Variants in RARB observed in about 807,000 individuals in gnomAD.
The protein encoded by RARB is HBV-activated protein.
A neutral mutation model predicts 51.9 loss-of-function variants in RARB; 17 were observed. The observed-to-expected ratio is 0.33, with a 90% CI of 0.22 to 0.49. The LOEUF is 0.49. Ranked by LOEUF, RARB falls within the 20% of genes least tolerant of loss-of-function variation. The pLI is 0.99. For synonymous variants in RARB, 215 were observed against 195.4 expected (o/e 1.10, Z -0.84); for missense variants, 369 against 550.8 (o/e 0.67, Z 3.30).
intron 1 of RARB, among the ~76,000 whole-genome samples, chr3:25,446,358 A>C (rs947537636): frequency 3.9e-5 from 6 of 152,228 alleles, no homozygotes; most frequent in Non-Finnish European, 1.5e-5. Flanking sequence ...CTTTCTTGGA[A>C]TGTGTCACAC....
At chr3:24,969,597 G>T (rs889733821) in intron 2 of RARB, among the ~76,000 whole-genome samples, 2 of 152,026 alleles carry the variant, frequency 1.3e-5, no homozygotes, top group Non-Finnish European at 2.9e-5. Context: ...CCATACCAGA[G>T]CTTAGATACT....
chr3:25,082,157 G>A (rs115294451), intron 3 of RARB, among the ~76,000 whole-genome samples: 2,115 of 151,938 alleles, frequency 0.014, 36 homozygotes, highest in African/African-American at 0.044. Context: ...TAAATTTAAA[G>A]TGTAAAATAT....
intron 2 of RARB, among the ~76,000 whole-genome samples, chr3:25,476,602 A>G (rs1027962197): frequency 3.3e-5 from 5 of 152,070 alleles, no homozygotes; most frequent in African/African-American, 1.2e-4. Flanking sequence ...TTATCTTTCT[A>G]CAGTCTCCCC....
intron 2 of RARB, among the ~76,000 whole-genome samples, chr3:24,905,504 C>T (rs1694842407): frequency 6.6e-6 from 1 of 152,164 alleles, no homozygotes; most frequent in South Asian, 2.1e-4. Context: ...TACGGATGTC[C>T]ACATGACACA....
intron 2 of RARB, among the ~76,000 whole-genome samples, chr3:24,914,194 T>C (rs1315688189): frequency 6.6e-6 from 1 of 152,168 alleles, no homozygotes; most frequent in Non-Finnish European, 1.5e-5. Flanking sequence ...AGACACAAAA[T>C]GTTTAAATTT....
chr3:25,296,760 G>A (rs1417710067), intron 5 of RARB, among the ~76,000 whole-genome samples: 6 of 152,156 alleles, frequency 3.9e-5, no homozygotes, highest in Non-Finnish European at 7.3e-5. Flanking sequence ...ACCGGTCCAT[G>A]TATTACTAGT....
intron 2 of RARB, among the ~76,000 whole-genome samples, chr3:24,885,014 A>C (rs1703241847): frequency 6.6e-6 from 1 of 152,162 alleles, no homozygotes; most frequent in African/African-American, 2.4e-5. Context: ...ACTCCAGGCG[A>C]AGAATATTAG....
chr3:25,331,700 C>T (rs947946236), intron 5 of RARB, among the ~76,000 whole-genome samples: 2 of 152,060 alleles, frequency 1.3e-5, no homozygotes, highest in African/African-American at 4.8e-5. Context: ...GAGATAGAGA[C>T]ACAAAAAACC....
chr3:25,538,053 G>C (rs763419988), intron 3 of RARB, among the ~76,000 whole-genome samples: 1 of 152,104 alleles, frequency 6.6e-6, no homozygotes, highest in African/African-American at 2.4e-5. Context: ...CAAGTAATCA[G>C]TTAGATTTAA....
At chr3:25,021,507 A>G (rs1697635649) in intron 2 of RARB, among the ~76,000 whole-genome samples, 1 of 152,140 alleles carries the variant, frequency 6.6e-6, no homozygotes, top group Non-Finnish European at 1.5e-5. Flanking sequence ...AGGAAGTGAT[A>G]AGTAAAGAGA....
chr3:25,498,364 T>C (rs1198980446), intron 2 of RARB, among the ~76,000 whole-genome samples: 4 of 152,174 alleles, frequency 2.6e-5, no homozygotes, highest in African/African-American at 9.7e-5. Context: ...GAGGAGAATT[T>C]TTATGATGCA....
At chr3:25,408,008 C>A (rs1306179183) in intron 5 of RARB, among the ~76,000 whole-genome samples, 1 of 152,186 alleles carries the variant, frequency 6.6e-6, no homozygotes, top group Admixed American at 6.5e-5. Flanking sequence ...GCCCCCATCT[C>A]TTTACTGTCT....
chr3:24,969,753 G>A (rs1225634046), intron 2 of RARB, among the ~76,000 whole-genome samples: 1 of 152,108 alleles, frequency 6.6e-6, no homozygotes, highest in Non-Finnish European at 1.5e-5. Flanking sequence ...AGGAAGTTCT[G>A]CTTCAGAGCT....
chr3:25,062,940 T>C (rs532365798), intron 3 of RARB, among the ~76,000 whole-genome samples: 1 of 152,104 alleles, frequency 6.6e-6, no homozygotes, highest in African/African-American at 2.4e-5. Context: ...GTCTCAAAGG[T>C]TTTTTTAAAT....
intron 4 of RARB, among the ~76,000 whole-genome samples, chr3:25,134,125 T>C (rs1300525776): frequency 1.3e-5 from 2 of 151,972 alleles, no homozygotes; most frequent in Non-Finnish European, 1.5e-5. Context: ...CCGAATCTCT[T>C]TGGTTACTGG....
intron 2 of RARB, chr3:25,024,947 CCG>C (rs1468321547): frequency 1.1e-5 from 1 of 89,710 alleles, no homozygotes; most frequent in Non-Finnish European, 2.4e-5. Flanking sequence ...GAGTGAGACT[CCG>C]TCTCAAAAAA....
At chr3:25,011,551 G>A (rs1191772062) in intron 2 of RARB, among the ~76,000 whole-genome samples, 1 of 152,008 alleles carries the variant, frequency 6.6e-6, no homozygotes, top group African/African-American at 2.4e-5. Context: ...GGAAACTAAG[G>A]CTCAATGAGG....
chr3:25,283,879 T>A (rs1252052673), intron 5 of RARB, among the ~76,000 whole-genome samples: 1 of 152,176 alleles, frequency 6.6e-6, no homozygotes, highest in Non-Finnish European at 1.5e-5. Flanking sequence ...CGCTCAGTGA[T>A]CCCCACCTCC....
At chr3:25,099,651 A>G (rs1699362439) in intron 3 of RARB, among the ~76,000 whole-genome samples, 1 of 150,656 alleles carries the variant, frequency 6.6e-6, no homozygotes, top group African/African-American at 2.4e-5. Context: ...ATTATGTAGT[A>G]GAAGATGCCC....
Sources: gnomAD v4.1 joint callset for allele counts (sites outside exome capture counted in the v4.1 genomes callset) on GRCh38, gnomAD v4.1.1 for gene constraint, MANE v1.5 for transcripts, NCBI Gene and HGNC (gene_info 2026-07-23, HGNC 2026-07-21) for gene names.